Variants in AK8 observed in about 807,000 individuals in gnomAD.
The protein encoded by AK8 is ATP-AMP transphosphorylase 8.
Under a neutral mutation model 54.6 loss-of-function variants are expected in AK8, and 44 were observed. The ratio of observed to expected loss-of-function variants is 0.81; its 90% CI spans 0.63 to 1.04. The LOEUF (loss-of-function observed/expected upper bound fraction) is 1.04. AK8 is among the 50% of genes least tolerant of loss of function. AK8 has a pLI of 0.00. For missense variants in AK8, 555 were observed against 613.6 expected (o/e 0.90, Z 1.01); for synonymous variants, 239 against 245.6 (o/e 0.97, Z 0.25).
rs71376669 is a variant in AK8 at position 132,853,783 on chromosome 9, C to CAA, written c.402+1072_402+1073dup. Among the ~76,000 whole-genome samples, 368 of 42,090 alleles carry CAA rather than the reference C, an allele frequency of 8.7e-3. 3 individuals are homozygous for CAA. The highest frequency in any genetic ancestry group is 0.031 in the Middle Eastern group (1 of 32). The allele number at this position is 42,090 out of a possible 152,430, so 27.6% of individuals were successfully genotyped here. A position where few individuals can be genotyped will look rare whatever the true frequency, so the allele number is the denominator to read the frequency against. ...TGGGCAACAGAGCAAGACTCTGCCT[C>CAA]AAAAAAAAAAAAAAAAAAAAAAAAA... On this transcript the variant is annotated intron_variant, in intron 5 of 12. Transcript: ENST00000298545.
At chr9:132,820,666 T>C (rs1011673719) in intron 9 of AK8, among the ~76,000 whole-genome samples, 1 of 152,236 alleles carries the variant, frequency 6.6e-6, no homozygotes, top group African/African-American at 2.4e-5. Context: ...GTCGTGTCCG[T>C]ATATACTCCC....
At chr9:132,797,954 A>G (rs1032530522) in intron 10 of AK8, among the ~76,000 whole-genome samples, 1 of 152,202 alleles carries the variant, frequency 6.6e-6, no homozygotes, top group Non-Finnish European at 1.5e-5. Context: ...CAGTCCTGCG[A>G]AAGCTCCTCG....
chr9:132,726,221 T>G (rs1236750437), intron 12 of AK8, among the ~76,000 whole-genome samples: 1 of 150,058 alleles, frequency 6.7e-6, no homozygotes, highest in Non-Finnish European at 1.5e-5. Flanking sequence ...CTTCCCTCCT[T>G]CCTTCCTTCC....
intron 2 of AK8, among the ~76,000 whole-genome samples, chr9:132,867,403 G>C (rs1843646345): frequency 6.6e-6 from 1 of 152,250 alleles, no homozygotes; most frequent in African/African-American, 2.4e-5. Flanking sequence ...AATGGGAAAA[G>C]CCTGGAGTGT....
At chr9:132,802,465 A>C (rs1840505884) in intron 10 of AK8, among the ~76,000 whole-genome samples, 1 of 152,018 alleles carries the variant, frequency 6.6e-6, no homozygotes, top group African/African-American at 2.4e-5. Flanking sequence ...CCCACCTTCC[A>C]CCCCAACCAC....
rs143362276 is a variant in AK8 at position 132,814,011 on chromosome 9, C to T, written c.979+627G>A. Among the ~76,000 whole-genome samples the T allele has an allele frequency of 9.4e-3, 1,432 of 151,922 alleles. 9 individuals carry two copies. The highest frequency in any genetic ancestry group is 0.016 in the Non-Finnish European group (1,108 of 67,944). ...AGGATGTGGGGGCAGGAAGTGGTGG[C>T]TTACACCTGTAATCCCAGCGTTTTG... On this transcript the variant is annotated intron_variant, in intron 10 of 12. Transcript: ENST00000298545.
At chr9:132,728,793 A>G (rs1836691753) in intron 11 of AK8, among the ~76,000 whole-genome samples, 1 of 152,098 alleles carries the variant, frequency 6.6e-6, no homozygotes, top group South Asian at 2.1e-4. Flanking sequence ...CTCACTTCTC[A>G]TGATTCTCAG....
At chr9:132,780,510 G>A (rs1839418478) in intron 11 of AK8, among the ~76,000 whole-genome samples, 2 of 152,228 alleles carry the variant, frequency 1.3e-5, no homozygotes, top group Non-Finnish European at 2.9e-5. Context: ...CATATGCAAT[G>A]AGAAGAGACC....
rs1049659605 is a variant in AK8, at chr9:132,791,280, G to A, written c.1121+1354C>T. On this transcript the variant is annotated intron_variant, in intron 11 of 12. Coordinates refer to ENST00000298545, the MANE Select transcript of AK8 (RefSeq NM_152572.3). This position sits in a 1 kb window ranked among gnomAD's most constrained non-coding sequence, Gnocchi z 4.0. ...CCACACTTTAAAACCATCAGATCTC[G>A]TGAGAACTCATTCACTATCATGAGA... 6.6e-5 allele frequency among the ~76,000 whole-genome samples: 10 copies of A among 152,086 alleles called. No homozygotes were observed. The highest frequency in any genetic ancestry group is 2.1e-4 in the South Asian group (1 of 4,814).
At position 132,730,830 on chromosome 9, in the gene AK8, T is replaced by G. The variant is rs1368772638; in HGVS notation, c.1122-3296A>C. On this transcript the variant is annotated intron_variant, in intron 11 of 12. Coordinates refer to ENST00000298545, the MANE Select transcript of AK8 (RefSeq NM_152572.3). Reference sequence around the variant, plus strand: ...TCAGAGGGGTGCTGGTCCTTAAACATCATTATGAATCTGAGCCAAAACCTC... The same window carrying G: ...TCAGAGGGGTGCTGGTCCTTAAACAGCATTATGAATCTGAGCCAAAACCTC... Among the ~76,000 whole-genome samples the G allele has an allele frequency of 3.9e-5, 6 of 152,308 alleles. No individual in the cohort carries two copies. In the South Asian group the frequency reaches 8.3e-4, roughly 21 times the overall value.
Position 132,791,689 on chromosome 9 carries a change from A to C in AK8, c.1121+945T>G, listed in dbSNP as rs941326239. 1.3e-5 allele frequency among the ~76,000 whole-genome samples: 2 copies of C among 152,214 alleles called. No homozygotes were observed. The highest frequency in any genetic ancestry group is 2.9e-5 in the Non-Finnish European group (2 of 68,034). On this transcript the variant is annotated intron_variant, in intron 11 of 12. Coordinates refer to ENST00000298545, the MANE Select transcript of AK8 (RefSeq NM_152572.3). This position sits in a 1 kb window ranked among gnomAD's most constrained non-coding sequence, Gnocchi z 4.0. ...AGAAACAGGCCCAGTATATTGAGAG[A>C]CTAAACACACAGTTTGATGATGGTC... is the stretch of plus-strand genomic sequence containing the variant.
At chr9:132,798,417 C>T (rs749921801) in intron 10 of AK8, among the ~76,000 whole-genome samples, 14 of 152,220 alleles carry the variant, frequency 9.2e-5, no homozygotes, top group Non-Finnish European at 1.5e-4. Flanking sequence ...TCACTGTGCT[C>T]TGCCAGAAGT....
intron 10 of AK8, among the ~76,000 whole-genome samples, chr9:132,807,580 C>A (rs1183227139): frequency 6.6e-6 from 1 of 152,206 alleles, no homozygotes; most frequent in African/African-American, 2.4e-5. Context: ...GGCTGAAGAG[C>A]CGGCGTTGTA....
At chr9:132,872,249 T>A (rs1437925897) in intron 2 of AK8, among the ~76,000 whole-genome samples, 1 of 152,074 alleles carries the variant, frequency 6.6e-6, no homozygotes, top group Non-Finnish European at 1.5e-5. Flanking sequence ...GGCAGGAGGA[T>A]CACTTGAGCC....
intron 11 of AK8, among the ~76,000 whole-genome samples, chr9:132,729,342 G>A (rs11790860): frequency 0.012 from 1,810 of 152,286 alleles, 14 homozygotes; most frequent in Non-Finnish European, 0.019. Context: ...CTCAAATAAT[G>A]ATCTGGCCCC....
chr9:132,767,225 C>T (rs1838761122), intron 11 of AK8, among the ~76,000 whole-genome samples: 1 of 152,122 alleles, frequency 6.6e-6, no homozygotes, highest in South Asian at 2.1e-4. Flanking sequence ...GTAAACTATC[C>T]ATCCAGACAG....
intron 10 of AK8, among the ~76,000 whole-genome samples, chr9:132,796,839 G>A (rs1285637418): frequency 6.7e-6 from 1 of 150,230 alleles, no homozygotes; most frequent in Non-Finnish European, 1.5e-5. Context: ...AAGGGTGGCC[G>A]CCACTTCACG....
chr9:132,857,268 A>G (rs1843207471), intron 4 of AK8, among the ~76,000 whole-genome samples: 1 of 152,228 alleles, frequency 6.6e-6, no homozygotes, highest in Admixed American at 6.5e-5. Context: ...GCTCTGGGAC[A>G]GAGCTGAGAA....
chr9:132,853,741 G>A (rs1484532022), intron 5 of AK8, among the ~76,000 whole-genome samples: 2 of 125,700 alleles, frequency 1.6e-5, no homozygotes, highest in South Asian at 2.6e-4. Flanking sequence ...AGCAGTGATC[G>A]CCACTGCACT....
Sources: gnomAD v4.1 joint callset for allele counts (sites outside exome capture counted in the v4.1 genomes callset) on GRCh38, gnomAD v4.1.1 for gene constraint, Gnocchi (gnomAD v3.1) non-coding constraint, MANE v1.5 for transcripts, NCBI Gene and HGNC (gene_info 2026-07-23, HGNC 2026-07-21) for gene names.